Variants in TCERG1 observed in about 807,000 individuals in gnomAD.
The protein encoded by TCERG1 is transcription elongation regulator 1, also known as TATA box binding protein (TBP)-associated factor, RNA polymerase II, S, 150kD.
TCERG1 carries 37 observed loss-of-function variants against 144.7 expected under a neutral mutation model. The ratio of observed to expected loss-of-function variants is 0.26; its 90% CI spans 0.20 to 0.34. TCERG1 has a LOEUF of 0.34. Ranked by LOEUF, TCERG1 falls within the 10% of genes least tolerant of loss-of-function variation. The pLI is 1.00. For missense variants in TCERG1, 1,027 were observed against 1,380.7 expected (o/e 0.74, Z 4.06); for synonymous variants, 492 against 458.2 (o/e 1.07, Z -0.94).
At position 146,511,559 on chromosome 5, in the gene TCERG1, C is replaced by T. The variant is rs4418147; in HGVS notation, c.*917C>T. On this transcript the variant is annotated 3_prime_UTR_variant, in exon 23 of 23. Transcript: ENST00000679501. ...CTTAATTTTTAAGAGCTTATTTTAACCTGTTTTTAAAAGCAGCAAATAGAA... is the reference window on the plus strand; with the variant it reads ...CTTAATTTTTAAGAGCTTATTTTAATCTGTTTTTAAAAGCAGCAAATAGAA... The T allele has an allele frequency of 0.9, 137,536 of 152,632 alleles. 62,213 individuals carry two copies. The highest frequency in any genetic ancestry group is 1 in the East Asian group (5,190 of 5,196). 9.5% of individuals were successfully genotyped at this position (152,632 alleles called of 1,614,324 possible).
chr5:146,505,193 T>C (rs1320701506), intron 19 of TCERG1, among the ~76,000 whole-genome samples: 1 of 152,124 alleles, frequency 6.6e-6, no homozygotes, highest in African/African-American at 2.4e-5. Flanking sequence ...ATGTGGCCTG[T>C]GGGCCACGGG....
At chr5:146,467,852 C>T (rs145139288) in intron 5 of TCERG1, among the ~76,000 whole-genome samples, 95 of 152,262 alleles carry the variant, frequency 6.2e-4, no homozygotes, top group African/African-American at 2.2e-3. Context: ...TCCTCACCAC[C>T]CCTAGCTTAT....
chr5:146,494,399 A>G (rs995741516), intron 16 of TCERG1, among the ~76,000 whole-genome samples: 1 of 152,170 alleles, frequency 6.6e-6, no homozygotes, highest in African/African-American at 2.4e-5. Flanking sequence ...GGGTCTGTGA[A>G]TAATTGAAAC....
In TCERG1 at chr5:146,498,630, T is replaced by C; in HGVS notation, c.2377T>C (p.Phe793Leu). 6.2e-7 allele frequency: 1 copy of C among 1,611,180 alleles called. No homozygotes were observed. Among genetic ancestry groups the C allele is most frequent in the Non-Finnish European group, 8.5e-7 (1 of 1,178,720 alleles). ...AGACCGAGAAGCCTTGTTTAATGAG[T>C]TTGTGGCCGCTGCTAGGAAGAAAGA... Reference protein sequence around the residue: ...MKDREALFNEFVAAARKKEKE... With the variant: ...MKDREALFNELVAAARKKEKE... The change falls in exon 17 of 23, where the codon TTT becomes CTT. Residue 793 changes from phenylalanine (F) to leucine (L), a missense_variant. This residue lies in a region of TCERG1 where 482 missense variants were observed against 632.6 expected (regional missense o/e 0.76). Transcript: ENST00000679501.
chr5:146,469,924 A>G (rs2150382501), intron 7 of TCERG1, 180 bp downstream of exon 7: 2 of 447,140 alleles, frequency 4.5e-6, no homozygotes, highest in East Asian at 3.9e-5. Context: ...TTCTACTTAC[A>G]TGTTTGTCAT....
chr5:146,455,389 A>G, intron 2 of TCERG1, 108 bp downstream of exon 2: 2 of 1,243,638 alleles, frequency 1.6e-6, no homozygotes, highest in Non-Finnish European at 2.2e-6. Flanking sequence ...TTATAGGAAA[A>G]TGGGAGCTAA....
At chr5:146,504,631 T>G (rs1767777864) in intron 19 of TCERG1, 1 of 152,530 alleles carries the variant, frequency 6.6e-6, no homozygotes, top group Non-Finnish European at 1.5e-5. Flanking sequence ...CAGTGGAGCT[T>G]GCTACTCTTG....
At chr5:146,494,359 CA>C (rs745747631) in intron 16 of TCERG1, among the ~76,000 whole-genome samples, 6 of 152,064 alleles carry the variant, frequency 3.9e-5, no homozygotes, top group Non-Finnish European at 4.4e-5. Flanking sequence ...CCAAAGCATT[CA>C]GCAGAATATA....
chr5:146,481,237 T>C (rs1765338288), intron 13 of TCERG1, 37 bp downstream of exon 13: 1 of 944,988 alleles, frequency 1.1e-6, no homozygotes, highest in African/African-American at 1.8e-5. Flanking sequence ...TGGCTTAGTT[T>C]TTCTTTTATT....
At chr5:146,466,205 A>G (rs1175126331) in intron 5 of TCERG1, among the ~76,000 whole-genome samples, 1 of 152,204 alleles carries the variant, frequency 6.6e-6, no homozygotes, top group Non-Finnish European at 1.5e-5. Context: ...TTTACAAACA[A>G]TGAGATTTGT....
In TCERG1 at chr5:146,458,937, A is replaced by G. The variant is rs1219439580; in HGVS notation, c.492A>G (p.Gly164=). 6.2e-7 allele frequency: 1 copy of G among 1,614,194 alleles called. No individual in the cohort carries two copies. The change falls in exon 4 of 23, where the codon GGA becomes GGG. Residue 164 remains glycine (G), a synonymous_variant. Transcript: ENST00000679501. ...AATCTGCATGGACCAAGCCAGATGGAGTTAAGGTTATTCAGCAATCAGAAC... is the reference window on the plus strand; with the variant it reads ...AATCTGCATGGACCAAGCCAGATGGGGTTAAGGTTATTCAGCAATCAGAAC... ...TRESAWTKPD[G]VKVIQQSELT...
At chr5:146,478,345 T>C (rs1486850894) in intron 9 of TCERG1, 148 bp from the exon 10 acceptor site, 2 of 739,494 alleles carry the variant, frequency 2.7e-6, no homozygotes, top group Non-Finnish European at 3.9e-6. Flanking sequence ...GTAAAAACCA[T>C]GTTTGGTTCT....
intron 4 of TCERG1, among the ~76,000 whole-genome samples, chr5:146,460,311 T>G (rs1166046946): frequency 1.3e-5 from 2 of 151,928 alleles, no homozygotes; most frequent in Non-Finnish European, 2.9e-5. Flanking sequence ...AATATTGCTT[T>G]CTTTTTGGGG....
chr5:146,483,670 GCCAA>G (rs779023058), intron 15 of TCERG1, 41 bp downstream of exon 15: 2 of 1,474,738 alleles, frequency 1.4e-6, no homozygotes, highest in Non-Finnish European at 1.9e-6. Flanking sequence ...TATATCTCTT[GCCAA>G]CATAGTTTTT....
chr5:146,480,291 G>A (rs1765232521), intron 12 of TCERG1, 197 bp downstream of exon 12: 2 of 408,700 alleles, frequency 4.9e-6, no homozygotes, highest in Admixed American at 4.2e-5. Flanking sequence ...TAGAAGATTT[G>A]GGTATTCATA....
intron 17 of TCERG1, 54 bp from the exon 18 acceptor site, chr5:146,503,321 T>C: frequency 6.5e-7 from 1 of 1,527,224 alleles, no homozygotes; most frequent in Non-Finnish European, 8.9e-7. Context: ...ATATGATGAA[T>C]TTCTCATGGT....
intron 2 of TCERG1, among the ~76,000 whole-genome samples, chr5:146,456,302 C>T (rs368143230): frequency 1.3e-5 from 2 of 152,114 alleles, no homozygotes; most frequent in Non-Finnish European, 2.9e-5. Flanking sequence ...TAATCTTTAA[C>T]GTGAATTTGT....
chr5:146,488,300 C>T (rs1398192816), intron 15 of TCERG1, among the ~76,000 whole-genome samples: 1 of 152,078 alleles, frequency 6.6e-6, no homozygotes, highest in African/African-American at 2.4e-5. Context: ...TGAAGACATC[C>T]TACAGAATGG....
chr5:146,491,592 A>T lies in TCERG1; in HGVS notation c.2164-1328A>T, dbSNP rs183950159. Among the ~76,000 whole-genome samples the T allele has an allele frequency of 3.5e-4, 53 of 152,252 alleles. 2 individuals are homozygous for T. In the East Asian group the frequency reaches 0.01, roughly 29 times the overall value. ...CTTCTAATCTGGCTGGAGGGCACAG[A>T]TCTCTCTGCTTCGGATCTGAGAGAA... On this transcript the variant is annotated intron_variant, in intron 15 of 22. Coordinates refer to ENST00000679501, the MANE Select transcript of TCERG1 (RefSeq NM_001382548.1).
Sources: gnomAD v4.1 joint callset for allele counts (sites outside exome capture counted in the v4.1 genomes callset) on GRCh38, gnomAD v4.1.1 for gene constraint, gnomAD v4.1.1 regional missense constraint, MANE v1.5 for transcripts, NCBI Gene and HGNC (gene_info 2026-07-23, HGNC 2026-07-21) for gene names.